The following SLIT3 variants were observed in gnomAD, a reference collection of about 807,000 sequenced individuals.
SLIT3 encodes slit guidance ligand 3, also known as slit homolog 3 protein.
SLIT3 carries 68 observed loss-of-function variants against 184.0 expected under a neutral mutation model. That is an observed-to-expected ratio of 0.37 (90% CI 0.30 to 0.45). The LOEUF (loss-of-function observed/expected upper bound fraction) is 0.45. Among genes scored for constraint, SLIT3 ranks in the 20% least tolerant of loss-of-function variants. The pLI, the probability that SLIT3 is intolerant of heterozygous loss-of-function variation, is 1.00. For missense variants in SLIT3, 1,707 were observed against 2,026.0 expected, an observed-to-expected ratio of 0.84 and a Z score of 3.02; for synonymous variants, 831 against 828.6, an observed-to-expected ratio of 1.00 and a Z score of -0.05.
At chr5:168,701,351 TG>T (rs1297229384) in intron 26 of SLIT3, among the ~76,000 whole-genome samples, 6 of 151,940 alleles carry the variant, frequency 3.9e-5, no homozygotes, top group Non-Finnish European at 8.8e-5. Context: ...TGATCTGGAG[TG>T]GGGTCCAGGC....
At chr5:169,268,448 C>G (rs1054498493) in intron 1 of SLIT3, among the ~76,000 whole-genome samples, 1 of 152,212 alleles carries the variant, frequency 6.6e-6, no homozygotes, top group Non-Finnish European at 1.5e-5. Context: ...GCAGAAGTGG[C>G]CCTCACTTGC....
intron 4 of SLIT3, among the ~76,000 whole-genome samples, chr5:169,187,951 G>C (rs297891): frequency 0.79 from 120,192 of 151,892 alleles, 47,881 homozygotes; most frequent in East Asian, 0.87. Flanking sequence ...TCTGGTAAAA[G>C]ACAGAAGGTG....
rs150252834 is a variant in SLIT3 at position 168,831,555 on chromosome 5, C to T, written c.558-8224G>A. ...TCTCACAAGGGGCCTTATTCACTGACGTATAGCAGTCGAGCTCTCATTTGA... is the reference window on the plus strand; with the variant it reads ...TCTCACAAGGGGCCTTATTCACTGATGTATAGCAGTCGAGCTCTCATTTGA... On this transcript the variant is annotated intron_variant, in intron 6 of 35. Coordinates refer to ENST00000519560, the MANE Select transcript of SLIT3 (RefSeq NM_003062.4). Among the ~76,000 whole-genome samples, 23 of 152,330 alleles carry T rather than the reference C, an allele frequency of 1.5e-4. No individual in the cohort carries two copies. In the East Asian group the frequency reaches 4.4e-3, roughly 29 times the overall value.
In SLIT3 at chr5:168,697,266, G is replaced by A. The variant is rs115324180; in HGVS notation, c.2943-835C>T. Among the ~76,000 whole-genome samples the A allele has an allele frequency of 5.8e-4, 88 of 152,316 alleles. 1 individual carries two copies. The highest frequency in any genetic ancestry group is 2.0e-3 in the African/African-American group (85 of 41,564). On this transcript the variant is annotated intron_variant, in intron 27 of 35. Transcript: ENST00000519560. ...CCTTCGGGTCAACTTGGCTTCAAAC[G>A]CTGTGGGGCGGCAAGATGCATTTCC...
At chr5:168,915,337 G>C (rs1409829342) in intron 4 of SLIT3, among the ~76,000 whole-genome samples, 1 of 152,190 alleles carries the variant, frequency 6.6e-6, no homozygotes, top group Non-Finnish European at 1.5e-5. Flanking sequence ...CAAATTATCA[G>C]TGACGGGTGA....
At chr5:168,747,079 C>G (rs1754494957) in intron 20 of SLIT3, among the ~76,000 whole-genome samples, 1 of 151,884 alleles carries the variant, frequency 6.6e-6, no homozygotes, top group Non-Finnish European at 1.5e-5. Context: ...CTCTCCCTGG[C>G]TCTGCCCGCT....
intron 4 of SLIT3, among the ~76,000 whole-genome samples, chr5:168,947,081 A>C (rs187318528): frequency 6.6e-6 from 1 of 152,308 alleles, no homozygotes; most frequent in South Asian, 2.1e-4. Flanking sequence ...CTGCATGAGA[A>C]AGTCAGTATT....
In SLIT3 at chr5:168,750,947, G is replaced by T. The variant is rs184246096; in HGVS notation, c.1974-1312C>A. ...TATGTTAGGACATGGTTAGTGCTTT[G>T]TAATATTAAGGGGCAGGGCTAGAGG... On this transcript the variant is annotated intron_variant, in intron 18 of 35. Transcript: ENST00000519560. Among the ~76,000 whole-genome samples the T allele has an allele frequency of 2.6e-5, 4 of 151,904 alleles. No individual in the cohort carries two copies. In the East Asian group the frequency reaches 7.8e-4, roughly 30 times the overall value.
intron 4 of SLIT3, among the ~76,000 whole-genome samples, chr5:169,004,277 G>T (rs1755829722): frequency 6.6e-6 from 1 of 152,168 alleles, no homozygotes; most frequent in African/African-American, 2.4e-5. Context: ...TCCCTGCTGG[G>T]TTCGGTTCTG....
At chr5:169,026,154 AGAG>A (rs1478858710) in intron 4 of SLIT3, among the ~76,000 whole-genome samples, 2 of 152,186 alleles carry the variant, frequency 1.3e-5, no homozygotes, top group African/African-American at 4.8e-5. Flanking sequence ...GTTCAGCAGG[AGAG>A]GAGATTAGGA....
chr5:169,081,153 G>T (rs986057637), intron 4 of SLIT3, among the ~76,000 whole-genome samples: 2 of 152,344 alleles, frequency 1.3e-5, no homozygotes, highest in African/African-American at 4.8e-5. Context: ...CCCACCAGGT[G>T]CCTGCCACTT....
intron 5 of SLIT3, among the ~76,000 whole-genome samples, chr5:168,874,461 A>G (rs1250017168): frequency 6.6e-6 from 1 of 152,212 alleles, no homozygotes; most frequent in African/African-American, 2.4e-5. Flanking sequence ...AACTCTTAAA[A>G]ACAGAACAAT....
intron 4 of SLIT3, among the ~76,000 whole-genome samples, chr5:169,079,270 C>G (rs1020692938): frequency 2.0e-5 from 3 of 152,166 alleles, no homozygotes; most frequent in African/African-American, 7.2e-5. Flanking sequence ...AGGGATGAGG[C>G]TGTTGTTCCA....
chr5:168,952,264 T>C (rs1275791282), intron 4 of SLIT3, among the ~76,000 whole-genome samples: 1 of 152,146 alleles, frequency 6.6e-6, no homozygotes, highest in Non-Finnish European at 1.5e-5. Context: ...GGCATAAATA[T>C]ATGCAAAGAC....
At chr5:168,963,607 G>A (rs929338765) in intron 4 of SLIT3, among the ~76,000 whole-genome samples, 57 of 152,304 alleles carry the variant, frequency 3.7e-4, no homozygotes, top group African/African-American at 1.2e-3. Flanking sequence ...AGTGACCCCT[G>A]GATTAGACTG....
At chr5:168,939,209 C>T (rs1403324580) in intron 4 of SLIT3, among the ~76,000 whole-genome samples, 1 of 152,194 alleles carries the variant, frequency 6.6e-6, no homozygotes, top group Non-Finnish European at 1.5e-5. Flanking sequence ...TGGGTCAGCG[C>T]TATGATTGAT....
At chr5:169,014,459 C>T (rs1756286428) in intron 4 of SLIT3, among the ~76,000 whole-genome samples, 1 of 152,172 alleles carries the variant, frequency 6.6e-6, no homozygotes, top group South Asian at 2.1e-4. Context: ...TAGCCACAGC[C>T]AGGGCTTTTC....
rs201529056 is a variant in SLIT3 at position 168,777,496 on chromosome 5, C to CT, written c.1152-3119dup. 3.9e-3 allele frequency among the ~76,000 whole-genome samples: 593 copies of CT among 152,320 alleles called. 1 individual carries two copies. The highest frequency in any genetic ancestry group is 0.013 in the African/African-American group (557 of 41,572). ...CTCACTCATCAGGTCTATTGAGGCT[C>CT]TTTTTTTCTCATCCAGATGCTCCTT... On this transcript the variant is annotated intron_variant, in intron 12 of 35. Coordinates refer to ENST00000519560, the MANE Select transcript of SLIT3 (RefSeq NM_003062.4).
intron 5 of SLIT3, among the ~76,000 whole-genome samples, chr5:168,865,028 C>T (rs1176176813): frequency 2.0e-5 from 3 of 151,924 alleles, no homozygotes; most frequent in South Asian, 2.1e-4. Context: ...ATTAGCCAGG[C>T]GTGGTGGTGG....
Sources: gnomAD v4.1 joint callset for allele counts (sites outside exome capture counted in the v4.1 genomes callset) on GRCh38, gnomAD v4.1.1 for gene constraint, MANE v1.5 for transcripts, NCBI Gene and HGNC (gene_info 2026-07-23, HGNC 2026-07-21) for gene names.